The following AHI1 variants were observed in gnomAD, a reference collection of about 807,000 sequenced individuals.
AHI1 encodes Abelson helper integration site 1, also known as jouberin.
Under a neutral mutation model 149.3 loss-of-function variants are expected in AHI1, and 123 were observed. The ratio of observed to expected loss-of-function variants is 0.82; its 90% CI spans 0.71 to 0.96. The LOEUF (loss-of-function observed/expected upper bound fraction) is 0.96. Among genes scored for constraint, AHI1 ranks in the 40% least tolerant of loss-of-function variants. The pLI, the probability that AHI1 is intolerant of heterozygous loss-of-function variation, is 0.00. For missense variants in AHI1, 1,439 were observed against 1,422.7 expected, an observed-to-expected ratio of 1.01 and a Z score of -0.18; for synonymous variants, 475 against 459.8, an observed-to-expected ratio of 1.03 and a Z score of -0.42.
chr6:135,479,755 G>A (rs374194114), intron 5 of AHI1, among the ~76,000 whole-genome samples: 20 of 152,274 alleles, frequency 1.3e-4, no homozygotes, highest in African/African-American at 4.6e-4. Context: ...GGAGGGGCCA[G>A]GGGTGGAATG....
chr6:135,436,385 T>A (rs1785404672), intron 15 of AHI1, among the ~76,000 whole-genome samples: 1 of 152,150 alleles, frequency 6.6e-6, no homozygotes, highest in Non-Finnish European at 1.5e-5. Context: ...GAGCAGGAGT[T>A]AAACTGTCCA....
chr6:135,394,737 A>G (rs1256265217), intron 23 of AHI1, 39 bp downstream of exon 23: 1 of 1,605,600 alleles, frequency 6.2e-7, no homozygotes, highest in Non-Finnish European at 8.5e-7. Context: ...CAAGCATCTG[A>G]ACATTTAAAA....
chr6:135,408,529 T>C (rs1303807174), intron 21 of AHI1, among the ~76,000 whole-genome samples: 5 of 152,148 alleles, frequency 3.3e-5, no homozygotes, highest in Non-Finnish European at 5.9e-5. Context: ...ACATTTATTC[T>C]GGGTTTAGGT....
chr6:135,433,191 TA>T lies in AHI1; in HGVS notation c.2101del (p.Tyr701ThrfsTer9). On this transcript the variant is annotated frameshift_variant, in exon 16 of 29. Transcript: ENST00000265602. LOFTEE classifies it high-confidence loss of function. ...FRVLPHPSFV[Y>X]TAKFHPAVRE... The stretch of plus-strand genomic sequence containing the variant: ...TACAGCTGGATGGAATTTAGCCGTG[TA>T]AACAAAAGAAGGATGAGGTAAAACT... 1 of 1,613,054 alleles carries T rather than the reference TA, an allele frequency of 6.2e-7. No individual in the cohort carries two copies. The highest frequency in any genetic ancestry group is 1.1e-5 in the South Asian group (1 of 91,072).
chr6:135,468,198 C>T (rs1791102726), intron 5 of AHI1, among the ~76,000 whole-genome samples: 1 of 151,910 alleles, frequency 6.6e-6, no homozygotes, highest in Non-Finnish European at 1.5e-5. Context: ...AATTATGGTG[C>T]CACAGCCTCC....
chr6:135,457,855 C>T, intron 8 of AHI1, 142 bp from the exon 9 acceptor site: 3 of 702,604 alleles, frequency 4.3e-6, no homozygotes, highest in African/African-American at 1.8e-5. Context: ...AGCCAGACAA[C>T]AGCAAACCAT....
intron 22 of AHI1, 110 bp downstream of exon 22, chr6:135,404,841 C>T: frequency 1.1e-6 from 1 of 917,518 alleles, no homozygotes; most frequent in Non-Finnish European, 1.8e-6. Flanking sequence ...TGAAAGTACA[C>T]ATCAGATTAA....
chr6:135,329,011 G>A (rs569981460), intron 24 of AHI1, among the ~76,000 whole-genome samples: 1 of 152,208 alleles, frequency 6.6e-6, no homozygotes, highest in Admixed American at 6.5e-5. Flanking sequence ...TATGAAGGCT[G>A]AGAAACGTGA....
intron 21 of AHI1, among the ~76,000 whole-genome samples, chr6:135,410,203 C>T (rs1781382944): frequency 6.6e-6 from 1 of 151,900 alleles, no homozygotes; most frequent in South Asian, 2.1e-4. Context: ...CCTGTCTCTA[C>T]AAAAAAAATT....
chr6:135,385,658 A>G (rs919032939), intron 23 of AHI1, among the ~76,000 whole-genome samples: 1 of 152,228 alleles, frequency 6.6e-6, no homozygotes, highest in African/African-American at 2.4e-5. Context: ...AAACCTGTGA[A>G]TTTGGAATCA....
At chr6:135,285,923 C>T (rs1274194442) in intron 28 of AHI1, among the ~76,000 whole-genome samples, 1 of 152,090 alleles carries the variant, frequency 6.6e-6, no homozygotes, top group Non-Finnish European at 1.5e-5. Context: ...AAATAAAATC[C>T]CCAAATATAG....
chr6:135,386,595 C>T (rs1562638007), intron 23 of AHI1, among the ~76,000 whole-genome samples: 1 of 151,990 alleles, frequency 6.6e-6, no homozygotes, highest in Non-Finnish European at 1.5e-5. Context: ...CAGGTGTGAG[C>T]CACCGTGCCT....
chr6:135,352,102 A>T (rs113749298), intron 24 of AHI1, among the ~76,000 whole-genome samples: 1 of 152,116 alleles, frequency 6.6e-6, no homozygotes, highest in African/African-American at 2.4e-5. Flanking sequence ...ACAAATGTAG[A>T]TTTCTGTAGC....
intron 20 of AHI1, among the ~76,000 whole-genome samples, chr6:135,414,686 G>C (rs1320470092): frequency 2.0e-5 from 3 of 152,006 alleles, no homozygotes; most frequent in Non-Finnish European, 4.4e-5. Context: ...GCAAAAAAAG[G>C]TGCTCAGTAT....
intron 23 of AHI1, among the ~76,000 whole-genome samples, chr6:135,375,886 T>C (rs1350068870): frequency 6.6e-6 from 1 of 152,068 alleles, no homozygotes; most frequent in Non-Finnish European, 1.5e-5. Context: ...GGGGTAGGGA[T>C]AGTACCAGAT....
At chr6:135,308,765 C>T (rs748177187) in intron 26 of AHI1, among the ~76,000 whole-genome samples, 27 of 152,116 alleles carry the variant, frequency 1.8e-4, no homozygotes, top group Non-Finnish European at 3.1e-4. Context: ...TTTTAATTAA[C>T]GAGAATTTAG....
intron 22 of AHI1, among the ~76,000 whole-genome samples, chr6:135,404,681 A>AC (rs1158726685): frequency 6.6e-6 from 1 of 152,232 alleles, no homozygotes; most frequent in Non-Finnish European, 1.5e-5. Context: ...TCAGAGAATG[A>AC]CATGACCTTG....
At chr6:135,386,249 TAA>T (rs775359702) in intron 23 of AHI1, among the ~76,000 whole-genome samples, 7 of 139,728 alleles carry the variant, frequency 5.0e-5, no homozygotes, top group Admixed American at 7.1e-5. Flanking sequence ...ACATTTTTGG[TAA>T]AAAAAAAAAA....
intron 27 of AHI1, among the ~76,000 whole-genome samples, chr6:135,290,841 T>C (rs993194329): frequency 7.9e-5 from 12 of 151,914 alleles, no homozygotes; most frequent in African/African-American, 2.9e-4. Flanking sequence ...ATAAATTTCA[T>C]CTGTCTCAGA....
Sources: allele counts gnomAD v4.1 joint callset (sites outside exome capture counted in the v4.1 genomes callset), GRCh38; gene constraint gnomAD v4.1.1; transcripts MANE v1.5; gene names NCBI Gene and HGNC (gene_info 2026-07-23, HGNC 2026-07-21).